The following TFDP2 variants were observed in gnomAD, a reference collection of about 807,000 sequenced individuals.
The protein encoded by TFDP2 is transcription factor Dp-2, also known as transcription factor Dp-2 (E2F dimerization partner 2).
Under a neutral mutation model 59.3 loss-of-function variants are expected in TFDP2, and 17 were observed. The ratio of observed to expected loss-of-function variants is 0.29; its 90% confidence interval spans 0.20 to 0.43. The LOEUF is 0.43. Among genes scored for constraint, TFDP2 ranks in the 20% least tolerant of loss-of-function variants. The probability of loss-of-function intolerance (pLI) is 1.00; values close to 1 mark genes in which losing one functional copy is unlikely to be tolerated. For missense variants in TFDP2, 391 were observed against 528.8 expected (o/e 0.74, Z 2.56); for synonymous variants, 180 against 194.7 (o/e 0.92, Z 0.63).
At chr3:142,148,242 G>A (rs1397380867) in intron 1 of TFDP2, among the ~76,000 whole-genome samples, 1 of 152,148 alleles carries the variant, frequency 6.6e-6, no homozygotes, top group Admixed American at 6.5e-5. Flanking sequence ...AAATAAGTGA[G>A]AGGGAGTCTG....
intron 1 of TFDP2, among the ~76,000 whole-genome samples, chr3:142,127,809 G>T (rs1042430880): frequency 3.9e-5 from 6 of 152,098 alleles, no homozygotes; most frequent in Admixed American, 2.6e-4. Flanking sequence ...AAAGGCTTAA[G>T]AATTGAAGCC....
chr3:142,098,774 A>G (rs2061239285), intron 2 of TFDP2, among the ~76,000 whole-genome samples: 1 of 152,120 alleles, frequency 6.6e-6, no homozygotes, highest in African/African-American at 2.4e-5. Context: ...TCCTTCTGAG[A>G]CAAGTATTAT....
intron 2 of TFDP2, among the ~76,000 whole-genome samples, chr3:142,098,433 C>A (rs2061230786): frequency 6.6e-6 from 1 of 151,456 alleles, no homozygotes; most frequent in Non-Finnish European, 1.5e-5. Context: ...CAGCTCCTCA[C>A]CTCTTCCTTT....
At chr3:142,122,761 T>A (rs1199256868) in intron 1 of TFDP2, among the ~76,000 whole-genome samples, 1 of 152,070 alleles carries the variant, frequency 6.6e-6, no homozygotes, top group Non-Finnish European at 1.5e-5. Flanking sequence ...CAATTCCCAA[T>A]AAGGGATGCA....
chr3:141,955,902 G>C (rs1188803519), intron 11 of TFDP2, among the ~76,000 whole-genome samples: 1 of 152,118 alleles, frequency 6.6e-6, no homozygotes, highest in Admixed American at 6.6e-5. Context: ...CTGCCTCCCA[G>C]GTTCAAGTGA....
intron 1 of TFDP2, among the ~76,000 whole-genome samples, chr3:142,113,131 C>G (rs1376253313): frequency 6.6e-6 from 1 of 152,224 alleles, no homozygotes; most frequent in African/African-American, 2.4e-5. Context: ...ATCAGATCAC[C>G]TGTTACACAT....
intron 3 of TFDP2, among the ~76,000 whole-genome samples, chr3:142,047,452 C>G (rs72990287): frequency 1.2e-3 from 183 of 152,176 alleles, no homozygotes; most frequent in African/African-American, 4.3e-3. Flanking sequence ...TTCTGTAAAC[C>G]AGTGAGAATT....
Position 142,022,951 on chromosome 3 carries a change from C to G in TFDP2, c.83-17407G>C, listed in dbSNP as rs183275754. Among the ~76,000 whole-genome samples the G allele has an allele frequency of 2.0e-3, 302 of 151,564 alleles. 1 individual carries two copies. Among genetic ancestry groups the G allele is most frequent in the Middle Eastern group, 0.014 (4 of 294 alleles). On this transcript the variant is annotated intron_variant, in intron 3 of 12. Transcript: ENST00000489671. Reference sequence around the variant, plus strand: ...CCTGGCCAACGTGGTGAAACCCCATCTCTAGTAAAAATACAAAAATTAGCC... The same window carrying G: ...CCTGGCCAACGTGGTGAAACCCCATGTCTAGTAAAAATACAAAAATTAGCC...
chr3:141,980,079 C>CT (rs1160860012), intron 6 of TFDP2, among the ~76,000 whole-genome samples: 1 of 151,076 alleles, frequency 6.6e-6, no homozygotes, highest in Non-Finnish European at 1.5e-5. Flanking sequence ...TCGCTAATTT[C>CT]TTTTTTGTAG....
intron 2 of TFDP2, among the ~76,000 whole-genome samples, chr3:142,098,081 G>A (rs190300896): frequency 2.1e-3 from 318 of 152,162 alleles, no homozygotes; most frequent in Non-Finnish European, 3.5e-3. Context: ...GTGAGCCATC[G>A]CGCTGGGCCA....
intron 4 of TFDP2, among the ~76,000 whole-genome samples, chr3:142,004,298 C>G (rs1379965327): frequency 6.6e-6 from 1 of 152,168 alleles, no homozygotes; most frequent in Non-Finnish European, 1.5e-5. Context: ...GTCCTGAAGT[C>G]TTAGAGACTT....
At chr3:142,028,644 A>G (rs1946270848) in intron 3 of TFDP2, 3 of 985,294 alleles carry the variant, frequency 3.0e-6, no homozygotes, top group Non-Finnish European at 1.2e-6. Flanking sequence ...GTTACCATTC[A>G]GTGGAAACTT....
intron 3 of TFDP2, among the ~76,000 whole-genome samples, chr3:142,026,135 C>G (rs956199776): frequency 2.6e-5 from 4 of 152,094 alleles, no homozygotes; most frequent in Admixed American, 6.6e-5. Flanking sequence ...GTGGGCAGAT[C>G]ACGAGGTCAG....
intron 3 of TFDP2, among the ~76,000 whole-genome samples, chr3:142,061,485 G>C (rs1253755095): frequency 6.6e-6 from 1 of 152,086 alleles, no homozygotes; most frequent in African/African-American, 2.4e-5. Flanking sequence ...ACTAGCATTT[G>C]AATCAGTAGA....
chr3:141,956,135 A>G (rs1295273512), intron 11 of TFDP2, among the ~76,000 whole-genome samples: 1 of 152,252 alleles, frequency 6.6e-6, no homozygotes, highest in African/African-American at 2.4e-5. Context: ...TCTACAAAAT[A>G]TGTAATATTT....
rs923679632 is a variant in TFDP2, at chr3:141,966,479, G to GT, written c.733-2517dup. The stretch of plus-strand genomic sequence containing the variant: ...AGCCACTGCACCTGGTCATAATAAT[G>GT]TTTTTTTTAACACTGTCACAAATTT... On this transcript the variant is annotated intron_variant, in intron 9 of 12. Coordinates refer to ENST00000489671, the MANE Select transcript of TFDP2 (RefSeq NM_001178139.2). 1.6e-4 allele frequency among the ~76,000 whole-genome samples: 24 copies of GT among 151,554 alleles called. 1 individual carries two copies. Among genetic ancestry groups the GT allele is most frequent in the South Asian group, 8.3e-4 (4 of 4,802 alleles).
At chr3:142,140,380 T>C (rs2062902627) in intron 1 of TFDP2, among the ~76,000 whole-genome samples, 1 of 152,206 alleles carries the variant, frequency 6.6e-6, no homozygotes, top group Non-Finnish European at 1.5e-5. Flanking sequence ...ATCAAAGTCA[T>C]TCTCCGTCCA....
intron 2 of TFDP2, among the ~76,000 whole-genome samples, chr3:142,097,855 G>T (rs1156821507): frequency 6.7e-6 from 1 of 150,160 alleles, no homozygotes; most frequent in Admixed American, 6.6e-5. Context: ...GCACGATCTC[G>T]GCTCACTGCA....
At chr3:141,979,415 T>C (rs1055149417) in intron 6 of TFDP2, among the ~76,000 whole-genome samples, 43 of 152,298 alleles carry the variant, frequency 2.8e-4, no homozygotes, top group African/African-American at 1.0e-3. Context: ...AAGTTAACTG[T>C]AAAAAGCCTC....
Sources: gnomAD v4.1 joint callset for allele counts (sites outside exome capture counted in the v4.1 genomes callset) on GRCh38, gnomAD v4.1.1 for gene constraint, MANE v1.5 for transcripts, NCBI Gene and HGNC (gene_info 2026-07-23, HGNC 2026-07-21) for gene names.